The following BCCIP variants were observed in gnomAD, a reference collection of about 807,000 sequenced individuals.
BCCIP encodes the protein BRCA2 and CDKN1A interacting protein, also known as BRCA2 and CDKN1A-interacting protein.
In BCCIP, 23 loss-of-function variants were observed where a neutral mutation model predicts 32.8. The ratio of observed to expected loss-of-function variants is 0.70; its 90% CI spans 0.51 to 0.99. The LOEUF (loss-of-function observed/expected upper bound fraction) is 0.99. Among genes scored for constraint, BCCIP ranks in the 50% least tolerant of loss-of-function variants. The probability of loss-of-function intolerance (pLI) is 0.00; values close to 1 mark genes in which losing one functional copy is unlikely to be tolerated. For missense variants in BCCIP, 378 were observed against 379.8 expected, an observed-to-expected ratio of 1.00 and a Z score of 0.04; for synonymous variants, 144 against 137.6, an observed-to-expected ratio of 1.05 and a Z score of -0.33.
At chr10:125,849,009 G>C (rs1051840928) in intron 7 of BCCIP, among the ~76,000 whole-genome samples, 2 of 152,204 alleles carry the variant, frequency 1.3e-5, no homozygotes, top group African/African-American at 4.8e-5. Context: ...TTTTGGCATA[G>C]TCCCCTCAAT....
At chr10:125,839,156 G>T (rs1797056719), downstream of BCCIP, 1 of 1,614,112 alleles carries the variant, frequency 6.2e-7, no homozygotes. Context: ...GAACAGTTGA[G>T]GAAGTAATCA....
At chr10:125,832,814 C>A (rs1380117270) in intron 5 of BCCIP, among the ~76,000 whole-genome samples, 1 of 116,824 alleles carries the variant, frequency 8.6e-6, no homozygotes, top group East Asian at 2.2e-4. Context: ...TTTTTTTTTT[C>A]TTTTTTTTTT....
chr10:125,853,235 C>T, exon 8 of BCCIP: 3 of 1,605,056 alleles, frequency 1.9e-6, no homozygotes, highest in Non-Finnish European at 2.6e-6. Context: ...TGGAATTGCT[C>T]TGTCATAATA....
chr10:125,825,547 A>C (rs1854370534), intron 1 of BCCIP: 1 of 152,174 alleles, frequency 6.6e-6, no homozygotes, highest in African/African-American at 2.4e-5. Flanking sequence ...AAAGAGTTCA[A>C]ATTGGAGCTG....
chr10:125,852,676 A>G (rs1367946574), intron 7 of BCCIP: 2 of 1,564,022 alleles, frequency 1.3e-6, no homozygotes, highest in East Asian at 2.2e-5. Flanking sequence ...TTAGCGTCAG[A>G]TAAGTCATGA....
Position 125,852,544 on chromosome 10 carries a change from TGAA to T in BCCIP, c.851-575_851-573del, listed in dbSNP as rs766010296. 3.2e-5 allele frequency: 52 copies of T among 1,613,320 alleles called. No homozygotes were observed. Among genetic ancestry groups the T allele is most frequent in the Non-Finnish European group, 4.2e-5 (50 of 1,179,718 alleles). ...TAGTATTTGTGTCCACAGCACTACCTGAAGAAGATGAGCCAAGAATCTGCTTGC... is the reference window on the plus strand; with the variant it reads ...TAGTATTTGTGTCCACAGCACTACCTGAAGATGAGCCAAGAATCTGCTTGC... On this transcript the variant is annotated intron_variant, in intron 7 of 7. Coordinates refer to the BCCIP transcript ENST00000368759.
Position 125,827,783 on chromosome 10 carries a change from A to C in BCCIP, c.321+145A>C, listed in dbSNP as rs1023961473. On this transcript the variant is annotated intron_variant, in intron 3 of 6. Transcript: ENST00000278100. Reference sequence around the variant, plus strand: ...CCAGGAGTTCAAGACCATCCTGGGCAATATAGCAATACTCTGTCTCTACAA... The same window carrying C: ...CCAGGAGTTCAAGACCATCCTGGGCCATATAGCAATACTCTGTCTCTACAA... 4 of 555,366 alleles carry C rather than the reference A, an allele frequency of 7.2e-6. No homozygotes were observed. In the African/African-American group the frequency reaches 7.7e-5, roughly 11 times the overall value. 34.4% of individuals were successfully genotyped at this position (555,366 alleles called of 1,614,324 possible).
At chr10:125,836,031 T>C in intron 6 of BCCIP, 73 bp from the exon 7 acceptor site, 1 of 1,347,454 alleles carries the variant, frequency 7.4e-7, no homozygotes, top group Non-Finnish European at 1.0e-6. Flanking sequence ...CGTAATATTC[T>C]TTGCCGTAGA....
intron 2 of BCCIP, 42 bp downstream of exon 2, chr10:125,826,707 G>C (rs1434221138): frequency 1.9e-6 from 3 of 1,604,770 alleles, no homozygotes; most frequent in Non-Finnish European, 1.7e-6. Context: ...CCTCTTCTAA[G>C]AAAAATCAGG....
exon 7 of BCCIP, chr10:125,841,926 T>C: frequency 1.9e-6 from 3 of 1,590,774 alleles, no homozygotes; most frequent in Non-Finnish European, 1.7e-6. Flanking sequence ...TGCATCAAAC[T>C]TTCTGGTGCT....
chr10:125,832,704 G>A (rs949453313), intron 5 of BCCIP, among the ~76,000 whole-genome samples: 1 of 151,974 alleles, frequency 6.6e-6, no homozygotes, highest in African/African-American at 2.4e-5. Flanking sequence ...TGAGGCAGGG[G>A]GAATGCTTGA....
chr10:125,831,421 G>C lies in BCCIP; in HGVS notation c.413G>C (p.Gly138Ala), dbSNP rs756437566. Reference protein sequence around the residue: ...ISLLNLTERKGTQCVEQIQEL... With the variant: ...ISLLNLTERKATQCVEQIQEL... Reference sequence around the variant, plus strand: ...ACAAGCTTTCTCTTTGCTTTCTAGGGTACCCAGTGTGTTGAACAAATTCAA... The same window carrying C: ...ACAAGCTTTCTCTTTGCTTTCTAGGCTACCCAGTGTGTTGAACAAATTCAA... The change falls in exon 5 of 7, where the codon GGT becomes GCT. Residue 138 changes from glycine (G) to alanine (A), a missense_variant and splice_region_variant. Transcript: ENST00000278100. The C allele has an allele frequency of 6.2e-7, 1 of 1,612,782 alleles. No individual in the cohort carries two copies. Among genetic ancestry groups the C allele is most frequent in the South Asian group, 1.1e-5 (1 of 91,016 alleles).
At chr10:125,823,755 A>G (rs761237671) in intron 1 of BCCIP, 33 bp downstream of exon 1, 56 of 1,608,256 alleles carry the variant, frequency 3.5e-5, no homozygotes, top group Non-Finnish European at 4.7e-5. Context: ...GTTGGTTTAT[A>G]CCTGAGAAAA....
At chr10:125,846,931 G>A (rs1214558335), downstream of BCCIP, among the ~76,000 whole-genome samples, 1 of 152,116 alleles carries the variant, frequency 6.6e-6, no homozygotes, top group African/African-American at 2.4e-5. Context: ...TACCCATCGC[G>A]GCCTGGGGGT....
At chr10:125,827,446 GATC>G in intron 2 of BCCIP, 109 bp from the exon 3 acceptor site, 1 of 693,122 alleles carries the variant, frequency 1.4e-6, no homozygotes, top group East Asian at 2.9e-5. Flanking sequence ...TGCTTTTCTA[GATC>G]ATCATCTTAA....
chr10:125,830,829 C>T (rs1854504916), intron 4 of BCCIP, among the ~76,000 whole-genome samples, 178 bp downstream of exon 4: 2 of 152,074 alleles, frequency 1.3e-5, no homozygotes, highest in Admixed American at 6.6e-5. Flanking sequence ...TGGGTCTGTA[C>T]CCAGTTAAAG....
At chr10:125,842,894 T>A (rs767332604), downstream of BCCIP, 12 of 511,890 alleles carry the variant, frequency 2.3e-5, no homozygotes, top group East Asian at 1.5e-4. Context: ...CCAAAGTTTT[T>A]AAAAATCCAT....
chr10:125,838,295 G>A (rs1325670267), downstream of BCCIP: 2 of 1,613,814 alleles, frequency 1.2e-6, no homozygotes, highest in African/African-American at 2.7e-5. Context: ...GCATCTTCTT[G>A]GTGATTGAGT....
At chr10:125,843,427 G>A (rs1253055977), downstream of BCCIP, among the ~76,000 whole-genome samples, 2 of 152,058 alleles carry the variant, frequency 1.3e-5, no homozygotes, top group African/African-American at 4.8e-5. Flanking sequence ...TGGCTAACAC[G>A]GTGAAACCCC....
Sources: gnomAD v4.1 joint callset for allele counts (sites outside exome capture counted in the v4.1 genomes callset) on GRCh38, gnomAD v4.1.1 for gene constraint, MANE v1.5 for transcripts, NCBI Gene and HGNC (gene_info 2026-07-23, HGNC 2026-07-21) for gene names.